Variants in MYO18B observed in about 807,000 individuals in gnomAD.
The protein encoded by MYO18B is unconventional myosin-XVIIIb.
Under a neutral mutation model 273.0 loss-of-function variants are expected in MYO18B, and 204 were observed. The observed-to-expected ratio is 0.75, with a 90% confidence interval of 0.67 to 0.84. The LOEUF (loss-of-function observed/expected upper bound fraction) is 0.84, where lower values mean the gene tolerates loss of function less well. MYO18B is among the 40% of genes least tolerant of loss of function. The probability of loss-of-function intolerance (pLI) is 0.00; values close to 1 mark genes in which losing one functional copy is unlikely to be tolerated. For synonymous variants in MYO18B, 1,330 were observed against 1,305.7 expected, an observed-to-expected ratio of 1.02 and a Z score of -0.40; for missense variants, 3,212 against 3,287.6, an observed-to-expected ratio of 0.98 and a Z score of 0.56.
chr22:25,780,133 C>A lies in MYO18B; in HGVS notation c.2146C>A (p.Arg716=), dbSNP rs370669904. 1 of 1,605,402 alleles carries A rather than the reference C, an allele frequency of 6.2e-7. No individual in the cohort carries two copies. Among genetic ancestry groups the A allele is most frequent in the East Asian group, 2.2e-5 (1 of 44,548 alleles). ...CATGGCCCACAGCCGCAGTGCCACC[C>A]GGTTCTCCATGGTGATGTCGCTGGA... ...VSMAHSRSAT[R]FSMVMSLDFN... is the part of the protein sequence containing the mutation. Residue 716 remains arginine (R), a synonymous_variant, in exon 9 of 44, where the codon CGG becomes AGG. Coordinates refer to ENST00000335473, the MANE Select transcript of MYO18B (RefSeq NM_032608.7).
rs534177310 is a variant in MYO18B, at chr22:25,924,935, T to C, written c.5517+3526T>C. ...TTTGGTTAGCAACACTTAAGTGTGT[T>C]ATTTCAGAAAATCCTTGCCATAACC... On this transcript the variant is annotated intron_variant, in intron 34 of 43. Coordinates refer to ENST00000335473, the MANE Select transcript of MYO18B (RefSeq NM_032608.7). Among the ~76,000 whole-genome samples, 46 of 152,314 alleles carry C rather than the reference T, an allele frequency of 3.0e-4. 1 individual carries two copies. Among genetic ancestry groups the C allele is most frequent in the Admixed American group, 2.0e-4 (3 of 15,298 alleles).
At position 25,992,355 on chromosome 22, in the gene MYO18B, G is replaced by T; in HGVS notation, c.6157-8G>T. 1 of 1,613,552 alleles carries T rather than the reference G, an allele frequency of 6.2e-7. No homozygotes were observed. The highest frequency in any genetic ancestry group is 8.5e-7 in the Non-Finnish European group (1 of 1,179,532). On this transcript the variant is annotated splice_region_variant and splice_polypyrimidine_tract_variant and intron_variant, in intron 39 of 43. Transcript: ENST00000335473. ...AGGCCAACGTGTGTTTGCATCTTCTGTCCCCAGGAGAAGTACGTGGAGGAA... is the reference window on the plus strand; with the variant it reads ...AGGCCAACGTGTGTTTGCATCTTCTTTCCCCAGGAGAAGTACGTGGAGGAA...
chr22:25,868,201 C>G (rs2090944768), intron 21 of MYO18B, 119 bp from the exon 22 acceptor site: 5 of 819,246 alleles, frequency 6.1e-6, no homozygotes, highest in Admixed American at 2.3e-5. Context: ...AGCCAAAGCT[C>G]ACAGACATGT....
chr22:25,830,270 A>ATT (rs536173910), intron 15 of MYO18B, among the ~76,000 whole-genome samples: 1 of 148,668 alleles, frequency 6.7e-6, no homozygotes, highest in Non-Finnish European at 1.5e-5. Flanking sequence ...CTGACCCTCA[A>ATT]TTTTTTTTTT....
intron 7 of MYO18B, among the ~76,000 whole-genome samples, chr22:25,776,363 C>T (rs1024920168): frequency 1.3e-5 from 2 of 152,140 alleles, no homozygotes; most frequent in African/African-American, 2.4e-5. Context: ...TTTGGGAGGC[C>T]GAGGCTGGCG....
intron 5 of MYO18B, 24 bp downstream of exon 5, chr22:25,770,200 T>G (rs746850807): frequency 1.2e-6 from 2 of 1,612,090 alleles, no homozygotes; most frequent in African/African-American, 2.7e-5. Context: ...TTAGCACCTT[T>G]GGAGGGTCTG....
At chr22:25,949,364 G>A (rs1259820141) in intron 36 of MYO18B, among the ~76,000 whole-genome samples, 1 of 152,198 alleles carries the variant, frequency 6.6e-6, no homozygotes, top group Admixed American at 6.5e-5. Flanking sequence ...AGGAGTGGAT[G>A]GATGGGCTTG....
chr22:26,038,399 A>G, the MYO18B span, among the ~76,000 whole-genome samples: 1 of 152,042 alleles, frequency 6.6e-6, no homozygotes, highest in South Asian at 2.1e-4. Context: ...AAGTCAGGAC[A>G]ACGATGATAT....
chr22:25,975,582 C>T (rs568986936), intron 39 of MYO18B, among the ~76,000 whole-genome samples: 1 of 152,314 alleles, frequency 6.6e-6, no homozygotes, highest in African/African-American at 2.4e-5. Flanking sequence ...AAGAGGCTTA[C>T]AAGAGTTGAA....
intron 39 of MYO18B, among the ~76,000 whole-genome samples, chr22:25,968,884 G>C (rs1374223934): frequency 6.6e-6 from 1 of 152,134 alleles, no homozygotes; most frequent in African/African-American, 2.4e-5. Flanking sequence ...TGCAAGCTTT[G>C]AGTGTGTCTC....
chr22:25,768,039 G>A (rs1479160792), intron 3 of MYO18B, 76 bp from the exon 4 acceptor site: 1 of 1,279,598 alleles, frequency 7.8e-7, no homozygotes, highest in Non-Finnish European at 1.1e-6. Context: ...TGAAATGAAT[G>A]AACGAACACG....
At chr22:25,908,476 G>T (rs368036998) in intron 32 of MYO18B, 44 bp downstream of exon 32, 109 of 1,494,996 alleles carry the variant, frequency 7.3e-5, no homozygotes, top group Non-Finnish European at 9.4e-5. Context: ...ATCCTGGCAG[G>T]TCTGGCATGG....
chr22:25,943,551 C>T (rs1408739408), intron 34 of MYO18B, among the ~76,000 whole-genome samples: 5 of 152,290 alleles, frequency 3.3e-5, no homozygotes, highest in Middle Eastern at 3.4e-3. Context: ...TCCTCCTCCT[C>T]TCCTTCTCTG....
At chr22:25,896,061 G>A (rs753650299) in intron 28 of MYO18B, among the ~76,000 whole-genome samples, 4 of 151,928 alleles carry the variant, frequency 2.6e-5, no homozygotes, top group African/African-American at 4.8e-5. Flanking sequence ...TAACAGGGTC[G>A]TGGGTGTGTT....
intron 38 of MYO18B, among the ~76,000 whole-genome samples, chr22:25,952,861 C>G (rs984303968): frequency 2.0e-5 from 3 of 152,240 alleles, no homozygotes; most frequent in African/African-American, 7.2e-5. Context: ...ATTTATTTTG[C>G]ACCCAGTGTG....
At chr22:25,873,718 G>A (rs1406739680) in intron 22 of MYO18B, among the ~76,000 whole-genome samples, 1 of 152,196 alleles carries the variant, frequency 6.6e-6, no homozygotes, top group Non-Finnish European at 1.5e-5. Flanking sequence ...GGGATTACAG[G>A]CATGAGCCAC....
intron 1 of MYO18B, among the ~76,000 whole-genome samples, chr22:25,754,187 G>C (rs1331898286): frequency 4.6e-5 from 7 of 152,192 alleles, no homozygotes; most frequent in African/African-American, 1.7e-4. Flanking sequence ...ATTTAAATAG[G>C]GAGTGAGCAC....
At chr22:25,894,016 G>A (rs544726145) in intron 27 of MYO18B, among the ~76,000 whole-genome samples, 4 of 152,012 alleles carry the variant, frequency 2.6e-5, no homozygotes, top group African/African-American at 4.8e-5. Flanking sequence ...CTAGTCAAAC[G>A]TCCTATCCAT....
intron 7 of MYO18B, among the ~76,000 whole-genome samples, chr22:25,776,316 G>A (rs1395133583): frequency 6.6e-6 from 1 of 152,150 alleles, no homozygotes; most frequent in Non-Finnish European, 1.5e-5. Context: ...ACGTTTTCTG[G>A]GACATGAGAC....
Sources: gnomAD v4.1 joint callset for allele counts (sites outside exome capture counted in the v4.1 genomes callset) on GRCh38, gnomAD v4.1.1 for gene constraint, MANE v1.5 for transcripts, NCBI Gene and HGNC (gene_info 2026-07-23, HGNC 2026-07-21) for gene names.